Variants in MYLK observed in about 807,000 individuals in gnomAD.
MYLK encodes the protein myosin light chain kinase.
In MYLK, 106 loss-of-function variants were observed where a neutral mutation model predicts 203.4. The ratio of observed to expected loss-of-function variants is 0.52; its 90% confidence interval spans 0.45 to 0.61. The LOEUF (loss-of-function observed/expected upper bound fraction) is 0.61, where lower values mean the gene tolerates loss of function less well. Among genes scored for constraint, MYLK ranks in the 20% least tolerant of loss-of-function variants. The probability of loss-of-function intolerance (pLI) is 0.00; values close to 1 mark genes in which losing one functional copy is unlikely to be tolerated. For missense variants in MYLK, 2,072 were observed against 2,442.3 expected (o/e 0.85, Z 3.20); for synonymous variants, 867 against 959.5 (o/e 0.90, Z 1.78).
chr3:123,738,795 C>A, intron 7 of MYLK, 102 bp downstream of exon 7: 1 of 1,471,850 alleles, frequency 6.8e-7, no homozygotes, highest in Non-Finnish European at 9.2e-7. Flanking sequence ...GTCCATTAAA[C>A]CTCTTTCCTT....
chr3:123,737,700 A>G (rs929620425), intron 7 of MYLK, among the ~76,000 whole-genome samples, 157 bp from the exon 8 acceptor site: 1 of 152,186 alleles, frequency 6.6e-6, no homozygotes, highest in African/African-American at 2.4e-5. Context: ...AGCCAACTTT[A>G]AACAGTTCAG....
At chr3:123,863,913 C>A (rs1210531619) in intron 2 of MYLK, among the ~76,000 whole-genome samples, 4 of 152,156 alleles carry the variant, frequency 2.6e-5, no homozygotes, top group Non-Finnish European at 5.9e-5. Context: ...ATATTCATAG[C>A]AGCTTTATTC....
rs759154392 is a variant in MYLK at position 123,734,056 on chromosome 3, G to C, written c.940C>G (p.Pro314Ala). Reference sequence around the variant, plus strand: ...AGCTTGGACTCCCTTGGGGGCTGAGGCTGGCTGTTTGCAGCCCAGGGTGGG... The same window carrying C: ...AGCTTGGACTCCCTTGGGGGCTGAGCCTGGCTGTTTGCAGCCCAGGGTGGG... ...GSPPWAANSQ[P>A]QPPRESKLES... Residue 314 changes from proline (P) to alanine (A), a missense_variant, in exon 10 of 34, where the codon CCT becomes GCT. This residue lies in a region of MYLK where 683 missense variants were observed against 643.8 expected (regional missense o/e 1.06). Coordinates refer to ENST00000360304, the MANE Select transcript of MYLK (RefSeq NM_053025.4). 1.2e-6 allele frequency: 2 copies of C among 1,613,918 alleles called. No individual in the cohort carries two copies. The highest frequency in any genetic ancestry group is 3.3e-5 in the Admixed American group (2 of 60,028).
rs571238130 is a variant in MYLK at position 123,723,921 on chromosome 3, A to G, written c.1652-1641T>C. ...TACATATTTTAAATGGCCGAAAAAT[A>G]TAAAGGTAATTAATATATCTCATGA... is the stretch of plus-strand genomic sequence containing the variant. On this transcript the variant is annotated intron_variant, in intron 12 of 33. Transcript: ENST00000360304. Among the ~76,000 whole-genome samples the G allele has an allele frequency of 2.7e-4, 3 of 11,062 alleles. No individual in the cohort carries two copies. In the South Asian group the frequency reaches 0.21, roughly 790 times the overall value. The allele number at this position is 11,062 out of a possible 152,430, so 7.3% of individuals were successfully genotyped here.
intron 2 of MYLK, among the ~76,000 whole-genome samples, chr3:123,838,363 G>T (rs1035890025): frequency 6.6e-6 from 1 of 152,138 alleles, no homozygotes; most frequent in East Asian, 1.9e-4. Flanking sequence ...GAAAAGCTGA[G>T]AGAATTAATT....
chr3:123,806,709 C>CTGAA (rs2065379039), intron 3 of MYLK, among the ~76,000 whole-genome samples: 1 of 152,096 alleles, frequency 6.6e-6, no homozygotes, highest in African/African-American at 2.4e-5. Flanking sequence ...GTCACCCAGG[C>CTGAA]TGAAGTACAA....
At chr3:123,651,222 T>A (rs1377478127) in intron 24 of MYLK, among the ~76,000 whole-genome samples, 1 of 152,148 alleles carries the variant, frequency 6.6e-6, no homozygotes, top group East Asian at 1.9e-4. Context: ...TCATGACTAC[T>A]GCATCTTGGG....
At chr3:123,704,747 C>CAAAAAAAAAA (rs5852352) in intron 16 of MYLK, among the ~76,000 whole-genome samples, 30 of 87,640 alleles carry the variant, frequency 3.4e-4, no homozygotes, top group African/African-American at 9.4e-4. Context: ...ACTAAAAATA[C>CAAAAAAAAAA]AAAAAAAAAA....
intron 3 of MYLK, among the ~76,000 whole-genome samples, chr3:123,820,648 T>TTCCC (rs1165521346): frequency 2.8e-4 from 36 of 129,434 alleles, no homozygotes; most frequent in Admixed American, 5.3e-4. Context: ...CCTTCCCTCC[T>TTCCC]TCCTTCCTTC....
At chr3:123,703,792 T>C (rs1191289446) in intron 16 of MYLK, among the ~76,000 whole-genome samples, 3 of 152,238 alleles carry the variant, frequency 2.0e-5, no homozygotes, top group Non-Finnish European at 4.4e-5. Flanking sequence ...AGCAGGAAGA[T>C]GAGATGCCCA....
Position 123,734,273 on chromosome 3 carries a change from G to C in MYLK, c.774-51C>G, listed in dbSNP as rs765458651. The C allele has an allele frequency of 8.3e-6, 12 of 1,454,352 alleles. No individual in the cohort carries two copies. The Admixed American group carries it at 9.3e-5, about 11-fold the overall frequency. The allele number at this position is 1,454,352 out of a possible 1,614,324, so 90.1% of individuals were successfully genotyped here. A position where few individuals can be genotyped will look rare whatever the true frequency, so the allele number is the denominator to read the frequency against. ...GGGTGGGTGAGGAGAGGGGAGAATA[G>C]AATGATCATCTGGTTACTCACAAAT... is the stretch of plus-strand genomic sequence containing the variant. On this transcript the variant is annotated intron_variant, in intron 9 of 33. Transcript: ENST00000360304.
At chr3:123,784,730 T>G (rs2064442782) in intron 4 of MYLK, among the ~76,000 whole-genome samples, 1 of 152,270 alleles carries the variant, frequency 6.6e-6, no homozygotes, top group Admixed American at 6.5e-5. Flanking sequence ...TGTCCATGAA[T>G]TAACTGTTAA....
At chr3:123,798,204 C>G (rs187905871) in intron 3 of MYLK, among the ~76,000 whole-genome samples, 1 of 152,216 alleles carries the variant, frequency 6.6e-6, no homozygotes, top group African/African-American at 2.4e-5. Flanking sequence ...GCCAACTACT[C>G]TTGTCTAAGG....
At chr3:123,803,770 G>A (rs574831943) in intron 3 of MYLK, among the ~76,000 whole-genome samples, 27 of 152,312 alleles carry the variant, frequency 1.8e-4, no homozygotes, top group Admixed American at 1.2e-3. Flanking sequence ...CCTGGTCCTC[G>A]AGACACACCT....
At chr3:123,641,796 C>T (rs1323777879) in intron 27 of MYLK, among the ~76,000 whole-genome samples, 1 of 147,030 alleles carries the variant, frequency 6.8e-6, no homozygotes, top group African/African-American at 2.5e-5. Flanking sequence ...CCCTTCCTCC[C>T]TTCCCTCCCT....
intron 27 of MYLK, among the ~76,000 whole-genome samples, chr3:123,645,432 C>T (rs1431889704): frequency 1.3e-5 from 2 of 152,176 alleles, no homozygotes; most frequent in African/African-American, 2.4e-5. Flanking sequence ...CTCATATCTA[C>T]AGCTTGGGGA....
chr3:123,831,522 G>T, intron 3 of MYLK, 26 bp downstream of exon 3: 1 of 922,818 alleles, frequency 1.1e-6, no homozygotes, highest in Non-Finnish European at 1.5e-6. Flanking sequence ...ATGGTCAACA[G>T]CATAATGTAA....
At chr3:123,743,185 G>C (rs954483672) in intron 5 of MYLK, among the ~76,000 whole-genome samples, 3 of 152,116 alleles carry the variant, frequency 2.0e-5, no homozygotes, top group African/African-American at 7.2e-5. Flanking sequence ...AAAGTCTTGG[G>C]AGCTAAATAT....
intron 33 of MYLK, chr3:123,618,065 C>T (rs1487959644): frequency 6.3e-6 from 1 of 159,914 alleles, no homozygotes; most frequent in African/African-American, 2.4e-5. Context: ...TGCTCTGTGA[C>T]ATCTTTACAA....
Sources: gnomAD v4.1 joint callset for allele counts (sites outside exome capture counted in the v4.1 genomes callset) on GRCh38, gnomAD v4.1.1 for gene constraint, gnomAD v4.1.1 regional missense constraint, MANE v1.5 for transcripts, NCBI Gene and HGNC (gene_info 2026-07-23, HGNC 2026-07-21) for gene names.